HFM1: variants seen among roughly 807,000 people sequenced by gnomAD.
HFM1 encodes the protein probable ATP-dependent DNA helicase HFM1.
HFM1 carries 169 observed loss-of-function variants against 192.1 expected under a neutral mutation model. That is an observed-to-expected ratio of 0.88 (90% CI 0.78 to 1.00). HFM1 has a LOEUF of 1.00. HFM1 is among the 50% of genes least tolerant of loss of function. The probability of loss-of-function intolerance (pLI) is 0.00; values close to 1 mark genes in which losing one functional copy is unlikely to be tolerated. For missense variants in HFM1, 1,661 were observed against 1,668.0 expected (o/e 1.00, Z 0.07); for synonymous variants, 525 against 537.8 (o/e 0.98, Z 0.33).
chr1:91,322,929 A>G (rs200405713), intron 23 of HFM1, 21 bp downstream of exon 23: 30 of 1,143,562 alleles, frequency 2.6e-5, no homozygotes, highest in East Asian at 1.4e-4. Flanking sequence ...GAAAACTTTC[A>G]TAAGTATGAA....
chr1:91,377,517 A>C (rs1571172818), intron 11 of HFM1: 1 of 153,372 alleles, frequency 6.5e-6, no homozygotes, highest in Admixed American at 6.6e-5. Flanking sequence ...ATAATAGTGC[A>C]CATGATTATT....
At chr1:91,337,070 G>A (rs543737750) in intron 20 of HFM1, among the ~76,000 whole-genome samples, 4 of 152,182 alleles carry the variant, frequency 2.6e-5, no homozygotes, top group African/African-American at 9.7e-5. Context: ...ACACACGTTG[G>A]GGTCTGTTGG....
intron 30 of HFM1, among the ~76,000 whole-genome samples, chr1:91,289,574 T>C (rs1385667070): frequency 6.6e-6 from 1 of 152,080 alleles, no homozygotes; most frequent in Admixed American, 6.5e-5. Flanking sequence ...TGGGCAACAT[T>C]GAGCACTGAG....
intron 4 of HFM1, 96 bp from the exon 5 acceptor site, chr1:91,385,930 A>G: frequency 1.0e-6 from 1 of 973,446 alleles, no homozygotes; most frequent in Non-Finnish European, 1.5e-6. Context: ...AAAAACACTC[A>G]TAGATTATGG....
chr1:91,338,257 A>G (rs1654854528), intron 20 of HFM1, among the ~76,000 whole-genome samples: 1 of 152,290 alleles, frequency 6.6e-6, no homozygotes, highest in Admixed American at 6.5e-5. Context: ...TGGCACAGGA[A>G]TGGCTACAGT....
intron 4 of HFM1, among the ~76,000 whole-genome samples, chr1:91,391,795 C>A (rs926471491): frequency 6.6e-6 from 1 of 152,130 alleles, no homozygotes; most frequent in Non-Finnish European, 1.5e-5. Flanking sequence ...AAAGAAACTA[C>A]CATCAGAGTG....
At chr1:91,271,103 G>A (rs912529887) in intron 34 of HFM1, among the ~76,000 whole-genome samples, 1 of 152,006 alleles carries the variant, frequency 6.6e-6, no homozygotes, top group African/African-American at 2.4e-5. Context: ...CTTCTCTGGG[G>A]CCACAGGTAT....
chr1:91,308,519 ATAAT>A (rs372288512), intron 30 of HFM1, among the ~76,000 whole-genome samples: 1 of 152,166 alleles, frequency 6.6e-6, no homozygotes, highest in East Asian at 1.9e-4. Flanking sequence ...TAAAATATTC[ATAAT>A]TATTTTATAC....
At chr1:91,340,215 G>T (rs1655143601) in intron 20 of HFM1, among the ~76,000 whole-genome samples, 1 of 152,070 alleles carries the variant, frequency 6.6e-6, no homozygotes, top group South Asian at 2.1e-4. Flanking sequence ...TCACTATATT[G>T]CTCAGACTGG....
chr1:91,329,098 T>G, intron 20 of HFM1: 1 of 1,610,318 alleles, frequency 6.2e-7, no homozygotes, highest in South Asian at 1.1e-5. Flanking sequence ...ATCTGGAGTA[T>G]TGGGCCCAAG....
intron 4 of HFM1, among the ~76,000 whole-genome samples, chr1:91,387,917 TAA>T (rs573701612): frequency 4.9e-4 from 48 of 97,354 alleles, no homozygotes; most frequent in Non-Finnish European, 7.6e-4. Flanking sequence ...AGAGTATAAT[TAA>T]AAAAAAAAAA....
At chr1:91,295,130 A>G (rs1647321084) in intron 30 of HFM1, among the ~76,000 whole-genome samples, 1 of 151,986 alleles carries the variant, frequency 6.6e-6, no homozygotes, top group South Asian at 2.1e-4. Context: ...GAACTTAAAT[A>G]CTCTTTCATA....
rs1037778948 is a variant in HFM1 at position 91,353,366 on chromosome 1, A to G, written c.1686-67T>C. On this transcript the variant is annotated intron_variant, in intron 13 of 38. Coordinates refer to ENST00000370425, the MANE Select transcript of HFM1 (RefSeq NM_001017975.6). Reference sequence around the variant, plus strand: ...ACATTAGAGAACTCTGAAACAGTTTATTATTTTAAAACTTAGAGATATCAA... The same window carrying G: ...ACATTAGAGAACTCTGAAACAGTTTGTTATTTTAAAACTTAGAGATATCAA... 4 of 922,606 alleles carry G rather than the reference A, an allele frequency of 4.3e-6. No individual in the cohort carries two copies. The Admixed American group carries it at 7.7e-5, about 18-fold the overall frequency. 57.2% of individuals were successfully genotyped at this position (922,606 alleles called of 1,614,324 possible). A position where few individuals can be genotyped will look rare whatever the true frequency, so the allele number is the denominator to read the frequency against.
chr1:91,265,798 G>A (rs965815160), intron 36 of HFM1, among the ~76,000 whole-genome samples: 1 of 152,086 alleles, frequency 6.6e-6, no homozygotes. Flanking sequence ...TCTAATGTGG[G>A]GCTTAAGAAT....
At position 91,276,833 on chromosome 1, in the gene HFM1, T is replaced by C. The variant is rs996804671; in HGVS notation, c.3473-90A>G. 4.0e-5 allele frequency: 33 copies of C among 828,226 alleles called. No individual in the cohort carries two copies. In the South Asian group the frequency reaches 6.5e-4, roughly 16 times the overall value. The allele number at this position is 828,226 out of a possible 1,614,324, so 51.3% of individuals were successfully genotyped here. On this transcript the variant is annotated intron_variant, in intron 31 of 38. Coordinates refer to ENST00000370425, the MANE Select transcript of HFM1 (RefSeq NM_001017975.6). ...TCTTTAAAATTTCAAATCTAGTATT[T>C]ACTTTTTTCATGTTGCCCACAGAGA...
chr1:91,353,843 G>A (rs1037747991), intron 13 of HFM1, among the ~76,000 whole-genome samples: 1 of 149,902 alleles, frequency 6.7e-6, no homozygotes, highest in Non-Finnish European at 1.5e-5. Context: ...ATGACTAAAG[G>A]AAAGTGCCTC....
At chr1:91,316,036 C>G in intron 27 of HFM1, 64 bp from the exon 28 acceptor site, 1 of 1,459,100 alleles carries the variant, frequency 6.9e-7, no homozygotes, top group Non-Finnish European at 9.5e-7. Context: ...TCAGCTGAAG[C>G]CTATTTATAG....
chr1:91,261,251 T>C lies in HFM1; in HGVS notation c.*39A>G, dbSNP rs1326382560. 2 of 895,732 alleles carry C rather than the reference T, an allele frequency of 2.2e-6. No individual in the cohort carries two copies. 55.5% of individuals were successfully genotyped at this position (895,732 alleles called of 1,614,324 possible). Reference sequence around the variant, plus strand: ...AGCATGCTTTGTGATTAGGTGTCTTTATTCTTTCTCTTATCAATATAAAAA... The same window carrying C: ...AGCATGCTTTGTGATTAGGTGTCTTCATTCTTTCTCTTATCAATATAAAAA... On this transcript the variant is annotated 3_prime_UTR_variant, in exon 39 of 39. Transcript: ENST00000370425.
chr1:91,386,261 T>C (rs1662208985), intron 4 of HFM1, among the ~76,000 whole-genome samples: 1 of 152,122 alleles, frequency 6.6e-6, no homozygotes, highest in Non-Finnish European at 1.5e-5. Flanking sequence ...AGTCACAATA[T>C]AAAGAAAGCA....
Sources: gnomAD v4.1 joint callset for allele counts (sites outside exome capture counted in the v4.1 genomes callset) on GRCh38, gnomAD v4.1.1 for gene constraint, MANE v1.5 for transcripts, NCBI Gene and HGNC (gene_info 2026-07-23, HGNC 2026-07-21) for gene names.